CAMKV: variants seen among roughly 807,000 people sequenced by gnomAD.
The protein encoded by CAMKV is caM kinase-like vesicle-associated protein.
Under a neutral mutation model 50.2 loss-of-function variants are expected in CAMKV, and 5 were observed. The ratio of observed to expected loss-of-function variants is 0.10; its 90% CI spans 0.05 to 0.21. The LOEUF is 0.21. Among genes scored for constraint, CAMKV ranks in the 10% least tolerant of loss-of-function variants. CAMKV has a pLI of 1.00. For synonymous variants in CAMKV, 229 were observed against 250.1 expected (o/e 0.92, Z 0.80); for missense variants, 361 against 650.5 (o/e 0.55, Z 4.84).
At position 49,860,683 on chromosome 3, in the gene CAMKV, G is replaced by A. The variant is rs149360477; in HGVS notation, c.775+33C>T. 269 of 1,613,470 alleles carry A rather than the reference G, an allele frequency of 1.7e-4. No homozygotes were observed. In the African/African-American group the frequency reaches 2.5e-3, roughly 15 times the overall value. On this transcript the variant is annotated intron_variant, in intron 8 of 10. Coordinates refer to ENST00000477224, the MANE Select transcript of CAMKV (RefSeq NM_024046.5). The surrounding 1 kb of genome is among the most constrained non-coding windows in gnomAD (Gnocchi z 6.1). ...CAGGACACCCTCCCCACTCCCTTGC[G>A]TTCTACCAAGTGCTGGGCAGGCACC...
rs1215024619 is a variant in CAMKV at position 49,862,436 on chromosome 3, T to C, written c.-14-34A>G. ...ACAATGGGGTCTGGCTTAGCTGTAC[T>C]ACTCTCCACTTCCCCACAACATAGG... On this transcript the variant is annotated intron_variant, in intron 1 of 10. Transcript: ENST00000477224. This position sits in a 1 kb window ranked among gnomAD's most constrained non-coding sequence, Gnocchi z 5.2. 5.8e-6 allele frequency: 9 copies of C among 1,560,372 alleles called. No homozygotes were observed. In the African/African-American group the frequency reaches 1.2e-4, roughly 21 times the overall value.
At position 49,861,526 on chromosome 3, in the gene CAMKV, C is replaced by T. The variant is rs142554452; in HGVS notation, c.354G>A (p.Ser118=). 231 of 1,614,042 alleles carry T rather than the reference C, an allele frequency of 1.4e-4. No homozygotes were observed. The highest frequency in any genetic ancestry group is 1.6e-4 in the Non-Finnish European group (192 of 1,180,044). The change falls in exon 5 of 11, where the codon TCG becomes TCA. Residue 118 remains serine, a synonymous_variant. Coordinates refer to ENST00000477224, the MANE Select transcript of CAMKV (RefSeq NM_024046.5). This position sits in a 1 kb window ranked among gnomAD's most constrained non-coding sequence, Gnocchi z 7.7. ...FDWILDQGYY[S]ERDTSNVVRQ... is the part of the protein sequence containing the mutation. The stretch of plus-strand genomic sequence containing the variant: ...GTACCACGTTGCTTGTGTCTCGCTC[C>T]GAGTAGTAGCCCTGGTCCAGGATCC...
At chr3:49,863,112 C>T (rs1210040045) in intron 1 of CAMKV, among the ~76,000 whole-genome samples, 2 of 152,224 alleles carry the variant, frequency 1.3e-5, no homozygotes, top group African/African-American at 4.8e-5. Context: ...CACCTGGTGA[C>T]TCTTACACAG....
chr3:49,867,139 T>C (rs993984264), intron 1 of CAMKV, among the ~76,000 whole-genome samples: 10 of 152,234 alleles, frequency 6.6e-5, no homozygotes, highest in African/African-American at 1.9e-4. Flanking sequence ...GCAATGAACA[T>C]GCTGAAGCCC....
chr3:49,862,419 G>A lies in CAMKV; in HGVS notation c.-14-17C>T. 3 of 1,600,206 alleles carry A rather than the reference G, an allele frequency of 1.9e-6. No homozygotes were observed. The highest frequency in any genetic ancestry group is 2.6e-6 in the Non-Finnish European group (3 of 1,167,180). On this transcript the variant is annotated splice_polypyrimidine_tract_variant and intron_variant, in intron 1 of 10. Transcript: ENST00000477224. This position sits in a 1 kb window ranked among gnomAD's most constrained non-coding sequence, Gnocchi z 5.2. ...GGCTCTAACCTGCGGGCACAATGGG[G>A]TCTGGCTTAGCTGTACTACTCTCCA...
intron 1 of CAMKV, among the ~76,000 whole-genome samples, chr3:49,864,897 C>T (rs760080816): frequency 6.6e-5 from 10 of 152,190 alleles, no homozygotes; most frequent in Non-Finnish European, 1.0e-4. Context: ...AGGACCCAAA[C>T]GAGCCCCATA....
chr3:49,860,917 G>A lies in CAMKV; in HGVS notation c.638+26C>T, dbSNP rs1484079814. On this transcript the variant is annotated intron_variant, in intron 7 of 10. Transcript: ENST00000477224. This position sits in a 1 kb window ranked among gnomAD's most constrained non-coding sequence, Gnocchi z 6.1. Reference sequence around the variant, plus strand: ...ATGCCCCCACCCCATCTGACTGCAAGCCTGCTTGTCCATCTGTCCACTCAC... The same window carrying A: ...ATGCCCCCACCCCATCTGACTGCAAACCTGCTTGTCCATCTGTCCACTCAC... The A allele has an allele frequency of 1.2e-6, 2 of 1,613,878 alleles. No individual in the cohort carries two copies.
At chr3:49,865,214 G>C (rs962152195) in intron 1 of CAMKV, among the ~76,000 whole-genome samples, 8 of 152,246 alleles carry the variant, frequency 5.3e-5, no homozygotes, top group Non-Finnish European at 1.2e-4. Flanking sequence ...CTGGGGAGAA[G>C]CATGTGGCCA....
At position 49,861,681 on chromosome 3, in the gene CAMKV, G is replaced by A; in HGVS notation, c.303-104C>T. The stretch of plus-strand genomic sequence containing the variant: ...CAGGCAGCTGGCTGAGCAAGGCACA[G>A]GGACCTGGGACGCCAAGGGTCCAGA... On this transcript the variant is annotated intron_variant, in intron 4 of 10. Coordinates refer to ENST00000477224, the MANE Select transcript of CAMKV (RefSeq NM_024046.5). This position sits in a 1 kb window ranked among gnomAD's most constrained non-coding sequence, Gnocchi z 7.7. The A allele has an allele frequency of 6.3e-7, 1 of 1,595,394 alleles. No individual in the cohort carries two copies. Among genetic ancestry groups the A allele is most frequent in the South Asian group, 1.1e-5 (1 of 90,194 alleles).
In CAMKV at chr3:49,858,520, G is replaced by A. The variant is rs1377135176; in HGVS notation, c.*798C>T. 7.6e-6 allele frequency: 3 copies of A among 395,816 alleles called. No homozygotes were observed. The highest frequency in any genetic ancestry group is 2.1e-5 in the African/African-American group (1 of 48,572). The allele number at this position is 395,816 out of a possible 1,614,324, so 24.5% of individuals were successfully genotyped here. A position where few individuals can be genotyped will look rare whatever the true frequency, so the allele number is the denominator to read the frequency against. On this transcript the variant is annotated 3_prime_UTR_variant, in exon 11 of 11. Coordinates refer to ENST00000477224, the MANE Select transcript of CAMKV (RefSeq NM_024046.5). ...CAGTAAGGCTGGGACACTGGGTGCTGGGCTTGTACTCTGCCCTGCCAGGTC... is the reference window on the plus strand; with the variant it reads ...CAGTAAGGCTGGGACACTGGGTGCTAGGCTTGTACTCTGCCCTGCCAGGTC...
chr3:49,859,965 T>G lies in CAMKV; in HGVS notation c.943-84A>C. On this transcript the variant is annotated intron_variant, in intron 10 of 10. Transcript: ENST00000477224. This position sits in a 1 kb window ranked among gnomAD's most constrained non-coding sequence, Gnocchi z 5.5. ...CAGTGACCAAACCAAACTCCTTCCATAGTACCCCCGGCCACCTCCATCCAC... is the reference window on the plus strand; with the variant it reads ...CAGTGACCAAACCAAACTCCTTCCAGAGTACCCCCGGCCACCTCCATCCAC... The G allele has an allele frequency of 7.5e-7, 1 of 1,334,450 alleles. No individual in the cohort carries two copies. The highest frequency in any genetic ancestry group is 1.0e-6 in the Non-Finnish European group (1 of 993,290). The allele number at this position is 1,334,450 out of a possible 1,614,324, so 82.7% of individuals were successfully genotyped here. A position where few individuals can be genotyped will look rare whatever the true frequency, so the allele number is the denominator to read the frequency against.
chr3:49,865,962 T>C (rs1371845817), intron 1 of CAMKV, among the ~76,000 whole-genome samples: 1 of 152,134 alleles, frequency 6.6e-6, no homozygotes, highest in Non-Finnish European at 1.5e-5. Flanking sequence ...TGGGGGTCTG[T>C]CCCATGAAAG....
chr3:49,861,178 G>A lies in CAMKV; in HGVS notation c.562+2C>T. ...CCTGCCCCTGCCCCACCCCCTGCTT[G>A]CCCAGATACTCGGGGGTCCCACAGG... On this transcript the variant is annotated splice_donor_variant, in intron 6 of 10. Transcript: ENST00000477224. LOFTEE classifies it low-confidence loss of function (GC_TO_GT_DONOR). This position sits in a 1 kb window ranked among gnomAD's most constrained non-coding sequence, Gnocchi z 7.7. The A allele has an allele frequency of 6.8e-7, 1 of 1,477,752 alleles. No individual in the cohort carries two copies. The highest frequency in any genetic ancestry group is 9.4e-7 in the Non-Finnish European group (1 of 1,063,596). The allele number at this position is 1,477,752 out of a possible 1,614,324, so 91.5% of individuals were successfully genotyped here. A position where few individuals can be genotyped will look rare whatever the true frequency, so the allele number is the denominator to read the frequency against.
intron 1 of CAMKV, among the ~76,000 whole-genome samples, chr3:49,868,112 C>T (rs892100602): frequency 1.3e-5 from 2 of 152,188 alleles, no homozygotes; most frequent in Admixed American, 6.5e-5. Context: ...CAGTTCCCAG[C>T]CCGTCTCTCT....
At chr3:49,864,947 C>A (rs1269135878) in intron 1 of CAMKV, among the ~76,000 whole-genome samples, 1 of 152,204 alleles carries the variant, frequency 6.6e-6, no homozygotes, top group Non-Finnish European at 1.5e-5. Flanking sequence ...CAGGCAGAAG[C>A]CAGCCACCAG....
rs368592470 is a variant in CAMKV at position 49,859,298 on chromosome 3, C to G, written c.*20G>C. ...CCACCCTCCTGCCCATCCCCTGCCC[C>G]CCCTCACCAGGCTGCCTACTCAGCT... On this transcript the variant is annotated 3_prime_UTR_variant, in exon 11 of 11. Coordinates refer to ENST00000477224, the MANE Select transcript of CAMKV (RefSeq NM_024046.5). This position sits in a 1 kb window ranked among gnomAD's most constrained non-coding sequence, Gnocchi z 5.5. The G allele has an allele frequency of 6.6e-7, 1 of 1,514,434 alleles. No homozygotes were observed. The allele number at this position is 1,514,434 out of a possible 1,614,324, so 93.8% of individuals were successfully genotyped here.
Position 49,860,400 on chromosome 3 carries a change from G to A in CAMKV, c.854+71C>T. 3 of 1,567,436 alleles carry A rather than the reference G, an allele frequency of 1.9e-6. No individual in the cohort carries two copies. The South Asian group carries it at 3.4e-5, about 18-fold the overall frequency. On this transcript the variant is annotated intron_variant, in intron 9 of 10. Coordinates refer to ENST00000477224, the MANE Select transcript of CAMKV (RefSeq NM_024046.5). The surrounding 1 kb of genome is among the most constrained non-coding windows in gnomAD (Gnocchi z 6.1). ...CTCTAGGTACCTGCACCCCTTCCAG[G>A]CCTCAAAGATGGGGCTGCTGGGTGT...
Position 49,860,707 on chromosome 3 carries a change from C to T in CAMKV, c.775+9G>A, listed in dbSNP as rs897420950. On this transcript the variant is annotated intron_variant, in intron 8 of 10. Transcript: ENST00000477224. The surrounding 1 kb of genome is among the most constrained non-coding windows in gnomAD (Gnocchi z 6.1). Reference sequence around the variant, plus strand: ...CGTTCTACCAAGTGCTGGGCAGGCACCTCCTCACCTGCCTGCGAAATATCA... The same window carrying T: ...CGTTCTACCAAGTGCTGGGCAGGCATCTCCTCACCTGCCTGCGAAATATCA... 5.0e-6 allele frequency: 8 copies of T among 1,614,026 alleles called. No homozygotes were observed. Among genetic ancestry groups the T allele is most frequent in the Middle Eastern group, 1.6e-4 (1 of 6,062 alleles).
rs1317972592 is a variant in CAMKV, at chr3:49,860,810, A to T, written c.681T>A (p.Asp227Glu). Residue 227 changes from aspartate to glutamate, a missense_variant, in exon 8 of 11, where the codon GAT becomes GAA. Transcript: ENST00000477224. The surrounding 1 kb of genome is among the most constrained non-coding windows in gnomAD (Gnocchi z 6.1). ...NPPFYEEVEE[D>E]DYENHDKNLF... ...GATTCTTATCATGGTTCTCATAATCATCTTCTTCCACCTCCTCATAGAAAG... is the reference window on the plus strand; with the variant it reads ...GATTCTTATCATGGTTCTCATAATCTTCTTCTTCCACCTCCTCATAGAAAG... 6.2e-7 allele frequency: 1 copy of T among 1,614,048 alleles called. No individual in the cohort carries two copies. The highest frequency in any genetic ancestry group is 1.3e-5 in the African/African-American group (1 of 74,968).
Sources: gnomAD v4.1 joint callset for allele counts (sites outside exome capture counted in the v4.1 genomes callset) on GRCh38, gnomAD v4.1.1 for gene constraint, Gnocchi (gnomAD v3.1) non-coding constraint, MANE v1.5 for transcripts, NCBI Gene and HGNC (gene_info 2026-07-23, HGNC 2026-07-21) for gene names.